Variants in PRIMA1 observed in about 807,000 individuals in gnomAD.
The protein encoded by PRIMA1 is proline-rich membrane anchor 1.
PRIMA1 carries 7 observed loss-of-function variants against 17.5 expected under a neutral mutation model. That is an observed-to-expected ratio of 0.40 (90% CI 0.23 to 0.75). The LOEUF is 0.75. PRIMA1 is among the 30% of genes least tolerant of loss of function. The pLI is 0.37. For synonymous variants in PRIMA1, 97 were observed against 77.9 expected (o/e 1.25, Z -1.29); for missense variants, 200 against 201.8 (o/e 0.99, Z 0.05).
chr14:93,786,774 A>G (rs1885536861), intron 2 of PRIMA1, among the ~76,000 whole-genome samples: 1 of 152,190 alleles, frequency 6.6e-6, no homozygotes, highest in Non-Finnish European at 1.5e-5. Context: ...CCTATCAACA[A>G]TGGCAGCAAC....
chr14:93,725,422 G>C (rs900843077), intron 4 of PRIMA1, among the ~76,000 whole-genome samples: 2 of 152,094 alleles, frequency 1.3e-5, no homozygotes, highest in African/African-American at 2.4e-5. Flanking sequence ...ATGGAAGCTG[G>C]GTGTTCCCTA....
intron 3 of PRIMA1, among the ~76,000 whole-genome samples, chr14:93,758,619 GA>G (rs1428342630): frequency 6.8e-6 from 1 of 146,122 alleles, no homozygotes; most frequent in Non-Finnish European, 1.5e-5. Context: ...AAAAGAAAAA[GA>G]AAAAGAAAAA....
At chr14:93,777,342 A>G (rs1885248554) in intron 3 of PRIMA1, among the ~76,000 whole-genome samples, 1 of 151,600 alleles carries the variant, frequency 6.6e-6, no homozygotes, top group African/African-American at 2.4e-5. Context: ...AATCCCATTC[A>G]TTCTTTTTTT....
At chr14:93,772,048 T>C (rs148771850) in intron 3 of PRIMA1, among the ~76,000 whole-genome samples, 1 of 152,296 alleles carries the variant, frequency 6.6e-6, no homozygotes, top group East Asian at 1.9e-4. Context: ...CAAAGAAGGG[T>C]TTGAGGATTA....
intron 3 of PRIMA1, among the ~76,000 whole-genome samples, chr14:93,746,054 AG>A (rs2076215368): frequency 1.3e-5 from 2 of 151,892 alleles, no homozygotes; most frequent in Admixed American, 6.6e-5. Flanking sequence ...CACCCTCCAG[AG>A]GGCCTAGGCT....
chr14:93,788,765 C>T (rs1885608530), upstream of PRIMA1, among the ~76,000 whole-genome samples: 1 of 151,980 alleles, frequency 6.6e-6, no homozygotes, highest in Non-Finnish European at 1.5e-5. Flanking sequence ...CACCCCGCTC[C>T]CAGGGCCAGG....
At chr14:93,734,274 C>T (rs1327170787) in intron 4 of PRIMA1, among the ~76,000 whole-genome samples, 2 of 152,230 alleles carry the variant, frequency 1.3e-5, no homozygotes, top group Non-Finnish European at 2.9e-5. Flanking sequence ...TGCCCTGTGC[C>T]CCCGGGAGGC....
chr14:93,787,298 T>A (rs1052619707), intron 2 of PRIMA1, among the ~76,000 whole-genome samples: 3 of 152,196 alleles, frequency 2.0e-5, no homozygotes, highest in African/African-American at 7.2e-5. Flanking sequence ...ATAATATATA[T>A]CCTTGGGATC....
chr14:93,758,676 T>G (rs1195399394), intron 3 of PRIMA1, among the ~76,000 whole-genome samples: 1 of 151,530 alleles, frequency 6.6e-6, no homozygotes, highest in Non-Finnish European at 1.5e-5. Flanking sequence ...AAAGCCCTGA[T>G]GAAGGACACA....
intron 4 of PRIMA1, chr14:93,725,931 A>T: frequency 4.4e-6 from 2 of 456,524 alleles, no homozygotes; most frequent in Admixed American, 4.7e-5. Context: ...GGCTGGTCTC[A>T]TTAAACCAAG....
intron 3 of PRIMA1, among the ~76,000 whole-genome samples, chr14:93,751,460 G>A (rs1040642130): frequency 6.6e-6 from 1 of 152,216 alleles, no homozygotes. Context: ...TCTGAGGACA[G>A]GTTCCACATC....
rs8008264 is a variant in PRIMA1 at position 93,720,049 on chromosome 14, C to T, written c.*1395G>A. The T allele has an allele frequency of 0.64, 97,654 of 151,648 alleles. 31,735 individuals are homozygous for T. The highest frequency in any genetic ancestry group is 0.71 in the Middle Eastern group (209 of 294). The allele number at this position is 151,648 out of a possible 1,614,324, so 9.4% of individuals were successfully genotyped here. A position where few individuals can be genotyped will look rare whatever the true frequency, so the allele number is the denominator to read the frequency against. ...GTAGCTTAAACACCTATCAGAGGAG[C>T]ACACTGGAGGTTTAGGAGGCAAACC... On this transcript the variant is annotated 3_prime_UTR_variant, in exon 5 of 5. Transcript: ENST00000393140.
At chr14:93,764,482 C>G (rs185609350) in intron 3 of PRIMA1, among the ~76,000 whole-genome samples, 2 of 152,020 alleles carry the variant, frequency 1.3e-5, no homozygotes, top group East Asian at 3.9e-4. Context: ...TGAGAAAAAA[C>G]AGAACCCTAA....
intron 3 of PRIMA1, among the ~76,000 whole-genome samples, chr14:93,755,586 G>A (rs553285482): frequency 3.3e-4 from 51 of 152,290 alleles, no homozygotes; most frequent in Admixed American, 1.6e-3. Context: ...GAGAAATATC[G>A]TTGGGCACTG....
intron 3 of PRIMA1, among the ~76,000 whole-genome samples, chr14:93,757,106 A>G (rs968336313): frequency 1.3e-5 from 2 of 152,170 alleles, no homozygotes; most frequent in African/African-American, 4.8e-5. Context: ...AGAATCTAGA[A>G]AGTTTCCAAG....
intron 3 of PRIMA1, among the ~76,000 whole-genome samples, chr14:93,755,333 C>G (rs974113217): frequency 6.6e-6 from 1 of 152,154 alleles, no homozygotes; most frequent in African/African-American, 2.4e-5. Flanking sequence ...GCTTTCACAT[C>G]GGTGTGATGG....
intron 3 of PRIMA1, among the ~76,000 whole-genome samples, chr14:93,776,422 C>T (rs576680302): frequency 6.6e-6 from 1 of 152,294 alleles, no homozygotes; most frequent in Non-Finnish European, 1.5e-5. Flanking sequence ...AAGCACTCTC[C>T]TCTAGCCTCC....
intron 4 of PRIMA1, among the ~76,000 whole-genome samples, chr14:93,722,526 G>A (rs1240177948): frequency 6.6e-6 from 1 of 151,386 alleles, no homozygotes; most frequent in East Asian, 1.9e-4. Flanking sequence ...GTTGACAATG[G>A]TGGTGATGGT....
At chr14:93,753,158 C>T (rs192971286) in intron 3 of PRIMA1, among the ~76,000 whole-genome samples, 224 of 152,316 alleles carry the variant, frequency 1.5e-3, no homozygotes, top group Non-Finnish European at 2.6e-3. Context: ...ACTTGGCCTC[C>T]CAAGTGCACT....
Sources: gnomAD v4.1 joint callset for allele counts (sites outside exome capture counted in the v4.1 genomes callset) on GRCh38, gnomAD v4.1.1 for gene constraint, MANE v1.5 for transcripts, NCBI Gene and HGNC (gene_info 2026-07-23, HGNC 2026-07-21) for gene names.